SLMAP: variants seen among roughly 807,000 people sequenced by gnomAD.
The protein encoded by SLMAP is sarcolemmal membrane-associated protein.
In SLMAP, 44 loss-of-function variants were observed where a neutral mutation model predicts 128.8. The observed-to-expected ratio is 0.34, with a 90% CI of 0.27 to 0.44. The LOEUF is 0.44. Among genes scored for constraint, SLMAP ranks in the 20% least tolerant of loss-of-function variants. The pLI is 1.00. For synonymous variants in SLMAP, 327 were observed against 348.8 expected (o/e 0.94, Z 0.70); for missense variants, 787 against 985.3 (o/e 0.80, Z 2.69).
rs550616462 is a variant in SLMAP, at chr3:57,865,741, G to A, written c.1237+449G>A. Among the ~76,000 whole-genome samples the A allele has an allele frequency of 2.2e-3, 330 of 152,136 alleles. 1 individual carries two copies. The highest frequency in any genetic ancestry group is 7.7e-3 in the African/African-American group (320 of 41,512). On this transcript the variant is annotated intron_variant, in intron 13 of 24. Coordinates refer to ENST00000671191, the MANE Select transcript of SLMAP (RefSeq NM_001377540.1). ...CTGTTTCATTGATCAGAGAGAACAG[G>A]GTCAGTTTTTTCTGCCATCAGAAAA... is the stretch of plus-strand genomic sequence containing the variant.
intron 2 of SLMAP, among the ~76,000 whole-genome samples, chr3:57,827,081 C>T (rs1207302964): frequency 6.6e-6 from 1 of 152,158 alleles, no homozygotes; most frequent in Non-Finnish European, 1.5e-5. Flanking sequence ...CTATCTACCT[C>T]GAATCTATTC....
chr3:57,842,364 C>T (rs985126222), intron 4 of SLMAP, among the ~76,000 whole-genome samples: 1 of 151,722 alleles, frequency 6.6e-6, no homozygotes, highest in Non-Finnish European at 1.5e-5. Context: ...TTGTCCTTGG[C>T]ATATGAAGTA....
intron 2 of SLMAP, among the ~76,000 whole-genome samples, chr3:57,804,322 T>A (rs1027134050): frequency 6.6e-6 from 1 of 152,256 alleles, no homozygotes; most frequent in Non-Finnish European, 1.5e-5. Flanking sequence ...AAGACATTTA[T>A]ACTGTCAGTA....
At chr3:57,912,729 G>A (rs374884138) in intron 20 of SLMAP, 28 bp downstream of exon 20, 119 of 1,538,152 alleles carry the variant, frequency 7.7e-5, no homozygotes, top group Admixed American at 1.1e-4. Context: ...ACATAAAGCT[G>A]TTAACTTTTG....
At chr3:57,817,932 G>T (rs548182391) in intron 2 of SLMAP, among the ~76,000 whole-genome samples, 3 of 152,158 alleles carry the variant, frequency 2.0e-5, no homozygotes, top group Non-Finnish European at 4.4e-5. Context: ...TGTGACTATA[G>T]ATAGGTCACT....
intron 15 of SLMAP, among the ~76,000 whole-genome samples, chr3:57,893,081 C>A (rs907022822): frequency 1.3e-5 from 2 of 151,918 alleles, no homozygotes; most frequent in African/African-American, 4.8e-5. Context: ...GATCCGCCCG[C>A]CTCGGCCTCC....
chr3:57,907,734 T>A lies in SLMAP; in HGVS notation c.1502-150T>A, dbSNP rs576501095. 1.9e-5 allele frequency: 11 copies of A among 568,038 alleles called. No homozygotes were observed. The Admixed American group carries it at 2.9e-4, about 15-fold the overall frequency. 35.2% of individuals were successfully genotyped at this position (568,038 alleles called of 1,614,324 possible). On this transcript the variant is annotated intron_variant, in intron 17 of 24. Coordinates refer to ENST00000671191, the MANE Select transcript of SLMAP (RefSeq NM_001377540.1). ...TTGTATTTTCTCCCAACTACTAAAA[T>A]GCTTACTATAATTTGCTTCTAAGTT... is the stretch of plus-strand genomic sequence containing the variant.
rs111880243 is a variant in SLMAP, at chr3:57,828,997, G to A, written c.199-2386G>A. Among the ~76,000 whole-genome samples, 488 of 152,086 alleles carry A rather than the reference G, an allele frequency of 3.2e-3. 3 individuals carry two copies. The highest frequency in any genetic ancestry group is 0.011 in the African/African-American group (466 of 41,460). On this transcript the variant is annotated intron_variant, in intron 2 of 24. Transcript: ENST00000671191. ...GGGGTCTCACTTTGTTGCCCAGGCT[G>A]GTCTTGAACTCCTGGGCTCAAGTGA... is the stretch of plus-strand genomic sequence containing the variant.
At chr3:57,869,630 T>TTATATA (rs55916379) in intron 13 of SLMAP, among the ~76,000 whole-genome samples, 10,368 of 75,068 alleles carry the variant, frequency 0.14, 944 homozygotes, top group East Asian at 0.23. Flanking sequence ...CCCATCTCTA[T>TTATATA]TATATATATA....
chr3:57,767,231 C>T (rs916708498), intron 2 of SLMAP, among the ~76,000 whole-genome samples: 42 of 152,232 alleles, frequency 2.8e-4, no homozygotes, highest in African/African-American at 9.6e-4. Context: ...TATATAATTT[C>T]ATTATGGGAC....
In SLMAP at chr3:57,855,320, G is replaced by A. The variant is rs138909164; in HGVS notation, c.520-2413G>A. 9.0e-4 allele frequency among the ~76,000 whole-genome samples: 136 copies of A among 151,730 alleles called. No individual in the cohort carries two copies. In the East Asian group the frequency reaches 0.022, roughly 24 times the overall value. On this transcript the variant is annotated intron_variant, in intron 6 of 24. Transcript: ENST00000671191. The stretch of plus-strand genomic sequence containing the variant: ...TTGAACCCAGGAGGCAGAGGTTGCA[G>A]TAAGCCGAGATCACACCACTGCACT...
chr3:57,765,027 C>G (rs1345466619), intron 2 of SLMAP, among the ~76,000 whole-genome samples: 4 of 152,096 alleles, frequency 2.6e-5, no homozygotes, highest in Non-Finnish European at 5.9e-5. Flanking sequence ...TGGATGAAAT[C>G]CAATTTAAAC....
rs1285726574 is a variant in SLMAP at position 57,906,318 on chromosome 3, T to TTG, written c.1502-1565_1502-1564insGT. Among the ~76,000 whole-genome samples the TTG allele has an allele frequency of 5.2e-4, 62 of 120,190 alleles. 2 individuals carry two copies. Among genetic ancestry groups the TTG allele is most frequent in the African/African-American group, 1.9e-3 (58 of 30,192 alleles). 78.8% of individuals were successfully genotyped at this position (120,190 alleles called of 152,430 possible). A position where few individuals can be genotyped will look rare whatever the true frequency, so the allele number is the denominator to read the frequency against. On this transcript the variant is annotated intron_variant, in intron 17 of 24. Coordinates refer to ENST00000671191, the MANE Select transcript of SLMAP (RefSeq NM_001377540.1). ...TTTTTTTCTTTTTTTTTCTTTTTTT[T>TTG]TTTTTTTTTTTTTTAGAGACACAGT...
At position 57,757,828 on chromosome 3, in the gene SLMAP, G is replaced by T; in HGVS notation, c.177G>T (p.Trp59Cys). 6.2e-7 allele frequency: 1 copy of T among 1,614,174 alleles called. No individual in the cohort carries two copies. The highest frequency in any genetic ancestry group is 8.5e-7 in the Non-Finnish European group (1 of 1,180,034). The change falls in exon 2 of 25, where the codon TGG becomes TGT. Residue 59 changes from tryptophan (W) to cysteine (C), a missense_variant. Physicochemically the swap from Trp to Cys is radical, Grantham distance 215. Coordinates refer to ENST00000671191, the MANE Select transcript of SLMAP (RefSeq NM_001377540.1). ...TATCAAGGAACCACGCTCTCGTCTGGTTTGATCACAAGACGGGCAAGGTAA... is the reference window on the plus strand; with the variant it reads ...TATCAAGGAACCACGCTCTCGTCTGTTTTGATCACAAGACGGGCAAGGTAA... Reference protein sequence around the residue: ...KVLSRNHALVWFDHKTGKFYL... With the variant: ...KVLSRNHALVCFDHKTGKFYL...
chr3:57,855,300 C>G (rs574512735), intron 6 of SLMAP, among the ~76,000 whole-genome samples: 108 of 152,072 alleles, frequency 7.1e-4, no homozygotes, highest in Admixed American at 9.8e-4. Flanking sequence ...ATTGCTTGAA[C>G]CCAGGAGGCA....
At chr3:57,782,576 G>A (rs2083291930) in intron 2 of SLMAP, among the ~76,000 whole-genome samples, 1 of 152,144 alleles carries the variant, frequency 6.6e-6, no homozygotes, top group Non-Finnish European at 1.5e-5. Flanking sequence ...GGGCTCAAGC[G>A]ATCCTCACAT....
intron 4 of SLMAP, among the ~76,000 whole-genome samples, chr3:57,842,003 A>G (rs1339953286): frequency 6.6e-6 from 1 of 152,192 alleles, no homozygotes; most frequent in Non-Finnish European, 1.5e-5. Context: ...GAGTTGAGCA[A>G]TCTTTAAACT....
At chr3:57,869,634 A>ATG (rs2095424340) in intron 13 of SLMAP, among the ~76,000 whole-genome samples, 1 of 122,336 alleles carries the variant, frequency 8.2e-6, no homozygotes, top group African/African-American at 3.4e-5. Context: ...TCTCTATTAT[A>ATG]TATATATATA....
Position 57,885,625 on chromosome 3 carries a change from G to T in SLMAP, c.1301-4416G>T, listed in dbSNP as rs181184479. On this transcript the variant is annotated intron_variant, in intron 14 of 24. Transcript: ENST00000671191. ...GTAGAGACAGGGTTTCTCCACGTTGGTCAGGCTGGTCTCAAACTCCCGACC... is the reference window on the plus strand; with the variant it reads ...GTAGAGACAGGGTTTCTCCACGTTGTTCAGGCTGGTCTCAAACTCCCGACC... 5.4e-3 allele frequency among the ~76,000 whole-genome samples: 817 copies of T among 150,134 alleles called. 2 individuals carry two copies. Among genetic ancestry groups the T allele is most frequent in the Non-Finnish European group, 9.1e-3 (618 of 67,642 alleles).
Sources: gnomAD v4.1 joint callset for allele counts (sites outside exome capture counted in the v4.1 genomes callset) on GRCh38, gnomAD v4.1.1 for gene constraint, MANE v1.5 for transcripts, NCBI Gene and HGNC (gene_info 2026-07-23, HGNC 2026-07-21) for gene names.